The following CAP2 variants were observed in gnomAD, a reference collection of about 807,000 sequenced individuals.
CAP2 encodes the protein adenylyl cyclase-associated protein 2.
In CAP2, 24 loss-of-function variants were observed where a neutral mutation model predicts 57.7. That is an observed-to-expected ratio of 0.42 (90% CI 0.30 to 0.58). The LOEUF (loss-of-function observed/expected upper bound fraction) is 0.58, where lower values mean the gene tolerates loss of function less well. CAP2 is among the 20% of genes least tolerant of loss of function. CAP2 has a pLI of 0.22. For missense variants in CAP2, 501 were observed against 590.3 expected (o/e 0.85, Z 1.57); for synonymous variants, 194 against 207.2 (o/e 0.94, Z 0.55).
intron 7 of CAP2, chr6:17,531,743 A>G: frequency 1.7e-6 from 1 of 598,826 alleles, no homozygotes; most frequent in Non-Finnish European, 2.9e-6. Flanking sequence ...GTCTATATAC[A>G]TTCCCCCCAT....
chr6:17,534,905 A>G (rs1424303431), intron 7 of CAP2, among the ~76,000 whole-genome samples: 1 of 152,216 alleles, frequency 6.6e-6, no homozygotes, highest in South Asian at 2.1e-4. Context: ...CGGAGAGTCA[A>G]GATCTGGGTA....
intron 4 of CAP2, among the ~76,000 whole-genome samples, chr6:17,469,099 T>TC (rs1403647309): frequency 6.6e-6 from 1 of 152,246 alleles, no homozygotes; most frequent in Non-Finnish European, 1.5e-5. Context: ...CATGGGTGAC[T>TC]CCAAAACTCT....
intron 7 of CAP2, among the ~76,000 whole-genome samples, chr6:17,520,179 C>T (rs1180465947): frequency 1.2e-4 from 19 of 152,164 alleles, no homozygotes; most frequent in Admixed American, 1.2e-3. Flanking sequence ...ACGATTGCAG[C>T]TCACTGCAGC....
chr6:17,496,034 G>GGGGGA (rs1761661541), intron 4 of CAP2, among the ~76,000 whole-genome samples: 1 of 117,186 alleles, frequency 8.5e-6, no homozygotes, highest in Admixed American at 8.0e-5. Context: ...GGGTGGGGGG[G>GGGGGA]GGGGGTAAGT....
At chr6:17,481,571 A>G (rs1187617889) in intron 4 of CAP2, among the ~76,000 whole-genome samples, 4 of 152,148 alleles carry the variant, frequency 2.6e-5, no homozygotes, top group Non-Finnish European at 5.9e-5. Context: ...CATTTCCATT[A>G]TATTCTATTA....
chr6:17,451,081 T>C (rs558328012), intron 3 of CAP2, among the ~76,000 whole-genome samples: 61 of 152,292 alleles, frequency 4.0e-4, no homozygotes, highest in African/African-American at 1.4e-3. Context: ...CATGGACACT[T>C]CAGAAAGGCA....
chr6:17,471,485 A>G (rs1399934308), intron 4 of CAP2, among the ~76,000 whole-genome samples: 1 of 152,192 alleles, frequency 6.6e-6, no homozygotes, highest in East Asian at 1.9e-4. Context: ...TGGGTTTTTA[A>G]ATATCGGTTT....
intron 3 of CAP2, among the ~76,000 whole-genome samples, chr6:17,455,874 G>A (rs988448538): frequency 7.2e-5 from 11 of 152,104 alleles, no homozygotes; most frequent in African/African-American, 2.7e-4. Context: ...TCTCAAACTT[G>A]CCTCAGTGTC....
rs1317621065 is a variant in CAP2, at chr6:17,513,715, T to C, written c.531-134T>C. Reference sequence around the variant, plus strand: ...GGTTCCCTTCTGAAGCCCTTCACGGTGCCTGGGTTGCAAGGACGATTGCTC... The same window carrying C: ...GGTTCCCTTCTGAAGCCCTTCACGGCGCCTGGGTTGCAAGGACGATTGCTC... On this transcript the variant is annotated intron_variant, in intron 6 of 12. Transcript: ENST00000229922. The surrounding 1 kb of genome is among the most constrained non-coding windows in gnomAD (Gnocchi z 4.3). 4 of 653,664 alleles carry C rather than the reference T, an allele frequency of 6.1e-6. No homozygotes were observed. Among genetic ancestry groups the C allele is most frequent in the Non-Finnish European group, 1.1e-5 (4 of 363,900 alleles). The allele number at this position is 653,664 out of a possible 1,614,324, so 40.5% of individuals were successfully genotyped here. A position where few individuals can be genotyped will look rare whatever the true frequency, so the allele number is the denominator to read the frequency against.
chr6:17,461,717 G>C (rs1179085336), intron 3 of CAP2, among the ~76,000 whole-genome samples: 1 of 151,356 alleles, frequency 6.6e-6, no homozygotes, highest in African/African-American at 2.4e-5. Flanking sequence ...ACAAGGCCAG[G>C]CGTGGTGGCT....
rs1760929899 is a variant in CAP2 at position 17,468,411 on chromosome 6, A to G, written c.300+5338A>G. ...CCCAGTTTCACAAAACAGTATTCTTACCATGTGCGCTGCATTCTGACATTT... is the reference window on the plus strand; with the variant it reads ...CCCAGTTTCACAAAACAGTATTCTTGCCATGTGCGCTGCATTCTGACATTT... On this transcript the variant is annotated intron_variant, in intron 4 of 12. Transcript: ENST00000229922. 3.3e-5 allele frequency among the ~76,000 whole-genome samples: 5 copies of G among 152,194 alleles called. No individual in the cohort carries two copies. The South Asian group carries it at 1.0e-3, about 31-fold the overall frequency.
chr6:17,474,185 C>CTTTTTTTTTTTTTTTTTTTTT (rs544909381), intron 4 of CAP2, among the ~76,000 whole-genome samples: 15 of 93,208 alleles, frequency 1.6e-4, no homozygotes, highest in Non-Finnish European at 2.0e-4. Context: ...AAAAAACAGT[C>CTTTTTTTTTTTTTTTTTTTTT]TTTTTTTTTT....
intron 3 of CAP2, among the ~76,000 whole-genome samples, chr6:17,445,495 C>T (rs1029798348): frequency 1.3e-5 from 2 of 152,084 alleles, no homozygotes; most frequent in Non-Finnish European, 2.9e-5. Context: ...ATGTTGCTTC[C>T]CCCTCAATTG....
At chr6:17,501,915 T>C (rs1258526087) in intron 4 of CAP2, among the ~76,000 whole-genome samples, 4 of 152,166 alleles carry the variant, frequency 2.6e-5, no homozygotes, top group Non-Finnish European at 5.9e-5. Flanking sequence ...GTTGGTCCTT[T>C]CCACCTTCTG....
chr6:17,506,814 G>A (rs1488966629), intron 4 of CAP2, among the ~76,000 whole-genome samples: 1 of 152,130 alleles, frequency 6.6e-6, no homozygotes, highest in African/African-American at 2.4e-5. Context: ...GATTATTGCA[G>A]TGTGTGATCT....
chr6:17,452,408 T>C (rs1760430597), intron 3 of CAP2, among the ~76,000 whole-genome samples: 1 of 152,210 alleles, frequency 6.6e-6, no homozygotes, highest in Non-Finnish European at 1.5e-5. Flanking sequence ...TTGTGCCACT[T>C]CCTAATGGCA....
rs1462430680 is a variant in CAP2 at position 17,541,020 on chromosome 6, C to G, written c.874C>G (p.Leu292Val). The stretch of plus-strand genomic sequence containing the variant: ...CCAGAAGACATACAAAAATCCCAGC[C>G]TGCGGGCTCAAGGAGGGCAAACTCA... ...DDQKTYKNPS[L>V]RAQGGQTQSP... The change falls in exon 9 of 13, where the codon CTG becomes GTG. Residue 292 changes from leucine to valine, a missense_variant. Leu to Val is a conservative substitution (Grantham distance 32). Transcript: ENST00000229922. 1.2e-6 allele frequency: 2 copies of G among 1,614,134 alleles called. No homozygotes were observed. The highest frequency in any genetic ancestry group is 1.7e-6 in the Non-Finnish European group (2 of 1,179,984).
chr6:17,447,473 A>C (rs527737348), intron 3 of CAP2, among the ~76,000 whole-genome samples: 4 of 152,198 alleles, frequency 2.6e-5, no homozygotes, highest in Non-Finnish European at 5.9e-5. Flanking sequence ...CACAGCTATC[A>C]ACAAACATTA....
intron 3 of CAP2, among the ~76,000 whole-genome samples, chr6:17,436,903 C>A (rs1466667507): frequency 6.6e-6 from 1 of 152,116 alleles, no homozygotes; most frequent in African/African-American, 2.4e-5. Context: ...TGCCTTCTGT[C>A]AGATCAGTGG....
Sources: allele counts gnomAD v4.1 joint callset (sites outside exome capture counted in the v4.1 genomes callset), GRCh38; gene constraint gnomAD v4.1.1; non-coding constraint Gnocchi (gnomAD v3.1); transcripts MANE v1.5; gene names NCBI Gene and HGNC (gene_info 2026-07-23, HGNC 2026-07-21).